TTC39B: variants seen among roughly 807,000 people sequenced by gnomAD.
The protein encoded by TTC39B is tetratricopeptide repeat domain 39B.
TTC39B carries 92 observed loss-of-function variants against 96.6 expected under a neutral mutation model. The observed-to-expected ratio is 0.95, with a 90% CI of 0.80 to 1.13. The LOEUF (loss-of-function observed/expected upper bound fraction) is 1.13, where lower values mean the gene tolerates loss of function less well. Ranked by LOEUF, TTC39B falls within the 50% of genes most tolerant of loss-of-function variation. The pLI is 0.00. For synonymous variants in TTC39B, 367 were observed against 299.4 expected (o/e 1.23, Z -2.33); for missense variants, 955 against 809.3 (o/e 1.18, Z -2.18).
At chr9:15,188,185 TA>T in intron 13 of TTC39B, 53 bp from the exon 14 acceptor site, 1 of 1,506,026 alleles carries the variant, frequency 6.6e-7, no homozygotes, top group South Asian at 1.4e-5. Flanking sequence ...AAGGAGATAA[TA>T]ACCTAATGGA....
intron 1 of TTC39B, among the ~76,000 whole-genome samples, chr9:15,275,911 T>C (rs1417354124): frequency 1.3e-5 from 2 of 152,212 alleles, no homozygotes; most frequent in Admixed American, 6.5e-5. Context: ...GCCTTTAAGA[T>C]CTTTTTTTGA....
At chr9:15,296,424 C>A (rs1487124280) in intron 1 of TTC39B, among the ~76,000 whole-genome samples, 1 of 151,994 alleles carries the variant, frequency 6.6e-6, no homozygotes, top group Non-Finnish European at 1.5e-5. Context: ...CTTCCTTTAC[C>A]CCAAAAGAAG....
chr9:15,206,848 C>G (rs1351486457), intron 6 of TTC39B, among the ~76,000 whole-genome samples: 2 of 152,100 alleles, frequency 1.3e-5, no homozygotes, highest in African/African-American at 4.8e-5. Flanking sequence ...TATGGTTAGG[C>G]TTTGTGTCCT....
At chr9:15,274,909 C>T (rs759280563) in intron 1 of TTC39B, among the ~76,000 whole-genome samples, 29 of 152,060 alleles carry the variant, frequency 1.9e-4, no homozygotes, top group Non-Finnish European at 3.7e-4. Flanking sequence ...AAAGCTCATG[C>T]TTTAGAAATT....
At chr9:15,224,015 C>T (rs1021768273) in intron 3 of TTC39B, among the ~76,000 whole-genome samples, 5 of 152,138 alleles carry the variant, frequency 3.3e-5, no homozygotes, top group African/African-American at 1.2e-4. Context: ...GAAATATACA[C>T]AAATCTCATT....
At chr9:15,176,416 C>T (rs1052494016) in intron 18 of TTC39B, among the ~76,000 whole-genome samples, 1 of 152,144 alleles carries the variant, frequency 6.6e-6, no homozygotes, top group African/African-American at 2.4e-5. Context: ...AAAGACAGTA[C>T]ATTTGGGAAG....
intron 2 of TTC39B, among the ~76,000 whole-genome samples, chr9:15,233,864 A>C (rs913424488): frequency 6.8e-6 from 1 of 147,826 alleles, no homozygotes; most frequent in Admixed American, 6.8e-5. Flanking sequence ...CCAGTCTGGA[A>C]AGTGAGGAGC....
At chr9:15,247,586 A>C (rs1248669468) in intron 2 of TTC39B, among the ~76,000 whole-genome samples, 1 of 152,142 alleles carries the variant, frequency 6.6e-6, no homozygotes, top group African/African-American at 2.4e-5. Context: ...TTCCATTAGC[A>C]TTCCTCTTCT....
At chr9:15,234,162 G>A (rs1379075884) in intron 2 of TTC39B, among the ~76,000 whole-genome samples, 3 of 146,728 alleles carry the variant, frequency 2.0e-5, no homozygotes, top group Non-Finnish European at 3.0e-5. Context: ...CCCGGCAGCC[G>A]CCCCATCTGA....
chr9:15,182,319 A>T, exon 17 of TTC39B: 2 of 1,610,156 alleles, frequency 1.2e-6, no homozygotes, highest in Non-Finnish European at 1.7e-6. Flanking sequence ...TGACTTTGTA[A>T]AGCTGCCTCA....
intron 2 of TTC39B, among the ~76,000 whole-genome samples, chr9:15,233,655 G>C (rs1293404876): frequency 6.6e-6 from 1 of 152,218 alleles, no homozygotes; most frequent in Non-Finnish European, 1.5e-5. Flanking sequence ...CGTTCGCTCA[G>C]TGCTCAATGG....
At chr9:15,251,690 C>CAT (rs61648900) in intron 2 of TTC39B, among the ~76,000 whole-genome samples, 20 of 79,426 alleles carry the variant, frequency 2.5e-4, no homozygotes, top group East Asian at 1.1e-3. Flanking sequence ...CACACACACA[C>CAT]ATACATATAC....
intron 2 of TTC39B, among the ~76,000 whole-genome samples, chr9:15,234,801 T>C (rs1458489830): frequency 1.3e-5 from 2 of 151,786 alleles, no homozygotes; most frequent in Non-Finnish European, 2.9e-5. Context: ...CGGTGCAAGA[T>C]GTGCTTTCTT....
At chr9:15,223,977 T>G (rs1820986709) in intron 3 of TTC39B, among the ~76,000 whole-genome samples, 1 of 152,186 alleles carries the variant, frequency 6.6e-6, no homozygotes, top group South Asian at 2.1e-4. Flanking sequence ...CTTTAACCTC[T>G]TCCTCTCTTT....
chr9:15,293,885 G>A (rs1274803418), intron 1 of TTC39B, among the ~76,000 whole-genome samples: 1 of 152,086 alleles, frequency 6.6e-6, no homozygotes, highest in Admixed American at 6.5e-5. Flanking sequence ...CAAACTGTGG[G>A]CTGTAACCAA....
At chr9:15,178,023 C>T (rs1445582262) in intron 17 of TTC39B, among the ~76,000 whole-genome samples, 1 of 151,838 alleles carries the variant, frequency 6.6e-6, no homozygotes, top group Non-Finnish European at 1.5e-5. Context: ...GTGCCCACCA[C>T]CACGCCCGGC....
chr9:15,188,070 G>C, exon 14 of TTC39B: 1 of 1,612,116 alleles, frequency 6.2e-7, no homozygotes, highest in Non-Finnish European at 8.5e-7. Flanking sequence ...CCCAGTAGCA[G>C]AGATGGTGAA....
chr9:15,227,028 T>C (rs1280892818), intron 2 of TTC39B, among the ~76,000 whole-genome samples: 1 of 152,122 alleles, frequency 6.6e-6, no homozygotes, highest in East Asian at 1.9e-4. Context: ...AGATGTACAA[T>C]GGGTGCAGTG....
At chr9:15,226,133 T>A (rs1821112572) in intron 2 of TTC39B, 121 bp from the exon 3 acceptor site, 1 of 713,208 alleles carries the variant, frequency 1.4e-6, no homozygotes, top group South Asian at 2.4e-5. Context: ...CCTCCATTTC[T>A]TATCAATTTT....
Sources: gnomAD v4.1 joint callset for allele counts (sites outside exome capture counted in the v4.1 genomes callset) on GRCh38, gnomAD v4.1.1 for gene constraint, MANE v1.5 for transcripts, NCBI Gene and HGNC (gene_info 2026-07-23, HGNC 2026-07-21) for gene names.